APBB1IP: variants seen among roughly 807,000 people sequenced by gnomAD.
APBB1IP encodes the protein amyloid beta A4 precursor protein-binding family B member 1-interacting protein.
Under a neutral mutation model 64.9 loss-of-function variants are expected in APBB1IP, and 27 were observed. The ratio of observed to expected loss-of-function variants is 0.42; its 90% confidence interval spans 0.31 to 0.57. The LOEUF is 0.57. Ranked by LOEUF, APBB1IP falls within the 20% of genes least tolerant of loss-of-function variation. APBB1IP has a pLI of 0.20. For missense variants in APBB1IP, 812 were observed against 845.5 expected (o/e 0.96, Z 0.49); for synonymous variants, 392 against 331.0 (o/e 1.18, Z -2.00).
intron 2 of APBB1IP, among the ~76,000 whole-genome samples, chr10:26,461,284 T>G (rs1361290881): frequency 6.6e-6 from 1 of 152,288 alleles, no homozygotes; most frequent in East Asian, 1.9e-4. Context: ...TCAACAAGAA[T>G]TTCTTTTGCA....
At chr10:26,463,902 C>A (rs1835620987) in intron 2 of APBB1IP, among the ~76,000 whole-genome samples, 1 of 152,182 alleles carries the variant, frequency 6.6e-6, no homozygotes, top group African/African-American at 2.4e-5. Flanking sequence ...TTGCCCCCAA[C>A]CCCGGACAGG....
intron 11 of APBB1IP, among the ~76,000 whole-genome samples, chr10:26,548,508 C>A (rs1326985805): frequency 6.6e-6 from 1 of 152,052 alleles, no homozygotes; most frequent in East Asian, 1.9e-4. Context: ...CCATTTATAT[C>A]CTCTTCACCT....
rs71401901 is a variant in APBB1IP at position 26,516,543 on chromosome 10, C to CAAAAAAAAAAAAAAAAAA, written c.813+2884_813+2901dup. 1.2e-3 allele frequency among the ~76,000 whole-genome samples: 57 copies of CAAAAAAAAAAAAAAAAAA among 47,174 alleles called. 8 individuals carry two copies. The highest frequency in any genetic ancestry group is 3.8e-3 in the East Asian group (3 of 782). The allele number at this position is 47,174 out of a possible 152,430, so 30.9% of individuals were successfully genotyped here. ...TGGGTGACAGAGCAAGACTCCATCT[C>CAAAAAAAAAAAAAAAAAA]AAAAAAAAAAAAAAAAAAGTAAAGC... is the stretch of plus-strand genomic sequence containing the variant. On this transcript the variant is annotated intron_variant, in intron 8 of 14. Transcript: ENST00000376236.
intron 11 of APBB1IP, among the ~76,000 whole-genome samples, chr10:26,554,717 G>A (rs1027783699): frequency 6.6e-6 from 1 of 152,044 alleles, no homozygotes; most frequent in African/African-American, 2.4e-5. Context: ...AAGTAGCTGG[G>A]ACTACAGGTG....
At position 26,560,149 on chromosome 10, in the gene APBB1IP, C is replaced by T. The variant is rs1477761527; in HGVS notation, c.1200C>T (p.Cys400=). The change falls in exon 12 of 15, where the codon TGC becomes TGT. Residue 400 remains cysteine, a synonymous_variant. Transcript: ENST00000376236. ...QKESQYIKYL[C]CDDTRTLNQW... ...AGTCCCAGTATATCAAGTATCTCTG[C>T]TGTGATGACACAAGAACCCTTAACC... 7.4e-6 allele frequency: 12 copies of T among 1,614,072 alleles called. No homozygotes were observed. The highest frequency in any genetic ancestry group is 7.6e-6 in the Non-Finnish European group (9 of 1,180,050).
chr10:26,567,091 C>A lies in APBB1IP; in HGVS notation c.1604C>A (p.Pro535His), dbSNP rs1837056616. Residue 535 changes from proline (P) to histidine (H), a missense_variant, in exon 15 of 15, where the codon CCC (proline) becomes CAC (histidine). This residue lies in a region of APBB1IP where 381 missense variants were observed against 352.1 expected (regional missense o/e 1.08). Coordinates refer to ENST00000376236, the MANE Select transcript of APBB1IP (RefSeq NM_019043.4). ...SSDTSGSPATPLKAKGTGGGG... is the reference protein window; with the variant it reads ...SSDTSGSPATHLKAKGTGGGG... The stretch of plus-strand genomic sequence containing the variant: ...GACACCAGCGGCAGTCCCGCCACGC[C>A]CCTCAAGGCCAAGGGCACAGGCGGC... The A allele has an allele frequency of 3.4e-6, 5 of 1,465,006 alleles. No homozygotes were observed. The East Asian group carries it at 1.4e-4, about 42-fold the overall frequency. The allele number at this position is 1,465,006 out of a possible 1,614,324, so 90.8% of individuals were successfully genotyped here.
Position 26,438,468 on chromosome 10 carries a change from G to T in APBB1IP, c.-203+13G>T, listed in dbSNP as rs1835303191. On this transcript the variant is annotated intron_variant, in intron 1 of 14. Transcript: ENST00000376236. ...GCGCGCGGCACAGGTAGGGGGAGGC[G>T]CAACGTTTCCCAGAATTAAAATAAA... 1 of 43,544 alleles carries T rather than the reference G, an allele frequency of 2.3e-5. No homozygotes were observed. The highest frequency in any genetic ancestry group is 7.0e-5 in the African/African-American group (1 of 14,386). 2.7% of individuals were successfully genotyped at this position (43,544 alleles called of 1,614,324 possible). A position where few individuals can be genotyped will look rare whatever the true frequency, so the allele number is the denominator to read the frequency against.
At chr10:26,491,757 A>AC (rs1226176017) in intron 2 of APBB1IP, among the ~76,000 whole-genome samples, 5 of 128,040 alleles carry the variant, frequency 3.9e-5, no homozygotes, top group African/African-American at 1.2e-4. Flanking sequence ...TTTTTGTGTA[A>AC]GGTTTTTTTT....
intron 11 of APBB1IP, among the ~76,000 whole-genome samples, chr10:26,553,147 G>A (rs1836853160): frequency 6.6e-6 from 1 of 151,916 alleles, no homozygotes; most frequent in African/African-American, 2.4e-5. Context: ...TCAGCCTCCT[G>A]AGTAGCTGGG....
chr10:26,447,648 T>C (rs1261177625), intron 2 of APBB1IP, among the ~76,000 whole-genome samples: 1 of 152,136 alleles, frequency 6.6e-6, no homozygotes, highest in Admixed American at 6.6e-5. Context: ...AGCTGTCCAG[T>C]AGAACTACAA....
At chr10:26,489,126 T>C (rs371577964) in intron 2 of APBB1IP, among the ~76,000 whole-genome samples, 1 of 152,194 alleles carries the variant, frequency 6.6e-6, no homozygotes, top group Non-Finnish European at 1.5e-5. Context: ...AGAAAATTAA[T>C]ACATCACATA....
chr10:26,489,819 G>C (rs1312200925), intron 2 of APBB1IP, among the ~76,000 whole-genome samples: 1 of 152,220 alleles, frequency 6.6e-6, no homozygotes, highest in Non-Finnish European at 1.5e-5. Context: ...GAGGTCAGGA[G>C]TTCAAGAACA....
intron 11 of APBB1IP, among the ~76,000 whole-genome samples, chr10:26,546,823 A>G (rs1230564397): frequency 3.3e-5 from 5 of 152,122 alleles, no homozygotes; most frequent in Non-Finnish European, 5.9e-5. Flanking sequence ...TTGATTCTAT[A>G]TTTTAGCTAT....
At chr10:26,508,540 C>A (rs1225642698) in intron 6 of APBB1IP, among the ~76,000 whole-genome samples, 1 of 151,602 alleles carries the variant, frequency 6.6e-6, no homozygotes, top group Non-Finnish European at 1.5e-5. Flanking sequence ...AGTTTTTTCA[C>A]CCTTGAATCA....
At chr10:26,499,158 C>T (rs918744214) in intron 4 of APBB1IP, among the ~76,000 whole-genome samples, 20 of 151,718 alleles carry the variant, frequency 1.3e-4, no homozygotes, top group South Asian at 2.1e-4. Flanking sequence ...CCCAGCTACT[C>T]GGGAGGCTGA....
intron 2 of APBB1IP, among the ~76,000 whole-genome samples, chr10:26,471,101 T>C (rs958344372): frequency 6.6e-6 from 1 of 152,072 alleles, no homozygotes; most frequent in African/African-American, 2.4e-5. Flanking sequence ...AAAAAAAAAC[T>C]AAAGCACTGA....
chr10:26,552,671 C>G (rs189839351), intron 11 of APBB1IP, among the ~76,000 whole-genome samples: 2 of 152,016 alleles, frequency 1.3e-5, no homozygotes, highest in East Asian at 3.9e-4. Flanking sequence ...AAACGGAGAA[C>G]AGGATTGAAT....
intron 11 of APBB1IP, among the ~76,000 whole-genome samples, chr10:26,543,014 C>T (rs1201440272): frequency 6.7e-6 from 1 of 148,452 alleles, no homozygotes; most frequent in Non-Finnish European, 1.5e-5. Flanking sequence ...CACAAGAAAA[C>T]CCCCACACCA....
In APBB1IP at chr10:26,500,902, A is replaced by G. The variant is rs1385854565; in HGVS notation, c.244A>G (p.Thr82Ala). 1.9e-6 allele frequency: 3 copies of G among 1,614,112 alleles called. No homozygotes were observed. The highest frequency in any genetic ancestry group is 2.5e-6 in the Non-Finnish European group (3 of 1,180,036). ...AGACATAAGTGAGGCTGAGCAGAGG[A>G]CAATCCAGGCACAGAAAGAGTCCTT... ...VADISEAEQR[T>A]IQAQKESLQN... The change falls in exon 5 of 15, where the codon ACA (threonine) becomes GCA (alanine). Residue 82 changes from threonine to alanine, a missense_variant. Physicochemically the swap from Thr to Ala is moderately conservative, Grantham distance 58. This residue lies in a region of APBB1IP where 394 missense variants were observed against 413.1 expected (regional missense o/e 0.95). Coordinates refer to ENST00000376236, the MANE Select transcript of APBB1IP (RefSeq NM_019043.4).
Sources: gnomAD v4.1 joint callset for allele counts (sites outside exome capture counted in the v4.1 genomes callset) on GRCh38, gnomAD v4.1.1 for gene constraint, gnomAD v4.1.1 regional missense constraint, MANE v1.5 for transcripts, NCBI Gene and HGNC (gene_info 2026-07-23, HGNC 2026-07-21) for gene names.